Variants in RPS6KC1 observed in about 807,000 individuals in gnomAD.
RPS6KC1 encodes ribosomal protein S6 kinase C1, also known as inactive ribosomal protein S6 kinase delta-1.
A neutral mutation model predicts 103.8 loss-of-function variants in RPS6KC1; 54 were observed. The ratio of observed to expected loss-of-function variants is 0.52; its 90% CI spans 0.42 to 0.65. The LOEUF (loss-of-function observed/expected upper bound fraction) is 0.65, where lower values mean the gene tolerates loss of function less well. Among genes scored for constraint, RPS6KC1 ranks in the 30% least tolerant of loss-of-function variants. The pLI, the probability that RPS6KC1 is intolerant of heterozygous loss-of-function variation, is 0.00. For synonymous variants in RPS6KC1, 439 were observed against 438.7 expected (o/e 1.00, Z -0.01); for missense variants, 1,151 against 1,253.8 (o/e 0.92, Z 1.24).
At chr1:213,212,980 A>T (rs1405342342) in intron 8 of RPS6KC1, among the ~76,000 whole-genome samples, 1 of 152,162 alleles carries the variant, frequency 6.6e-6, no homozygotes, top group Admixed American at 6.5e-5. Context: ...TATCAGATGT[A>T]TCATTTATAA....
At chr1:213,661,564 C>T in the RPS6KC1 span, among the ~76,000 whole-genome samples, 27 of 152,170 alleles carry the variant, frequency 1.8e-4, no homozygotes, top group African/African-American at 5.3e-4. Context: ...AAGTCAGAGG[C>T]GGGGGAGGAG....
intron 1 of RPS6KC1, among the ~76,000 whole-genome samples, chr1:213,067,070 C>T (rs1333110944): frequency 3.9e-5 from 6 of 152,120 alleles, no homozygotes; most frequent in Non-Finnish European, 2.9e-5. Flanking sequence ...ACCTGAAAGC[C>T]CCCTCCCCAC....
At chr1:213,256,552 CA>C (rs373923066) in intron 12 of RPS6KC1, among the ~76,000 whole-genome samples, 1 of 150,476 alleles carries the variant, frequency 6.6e-6, no homozygotes, top group Non-Finnish European at 1.5e-5. Context: ...AAAAAAGTCG[CA>C]AAAAAAATCT....
chr1:213,301,887 C>G, the RPS6KC1 span, among the ~76,000 whole-genome samples: 5 of 151,890 alleles, frequency 3.3e-5, no homozygotes, highest in Middle Eastern at 3.4e-3. Flanking sequence ...AGGTGTGCAC[C>G]ACCACCCCCA....
chr1:213,711,972 C>T, the RPS6KC1 span, among the ~76,000 whole-genome samples: 1 of 152,200 alleles, frequency 6.6e-6, no homozygotes, highest in African/African-American at 2.4e-5. Flanking sequence ...AGGTGTCTCC[C>T]TGTCAGGAGG....
At chr1:213,129,967 C>T (rs2085417170) in intron 6 of RPS6KC1, 78 bp downstream of exon 6, 2 of 1,317,262 alleles carry the variant, frequency 1.5e-6, no homozygotes, top group Non-Finnish European at 2.1e-6. Context: ...CATATATCTT[C>T]TGTATAGTCT....
At chr1:213,687,018 A>C in the RPS6KC1 span, among the ~76,000 whole-genome samples, 1 of 152,190 alleles carries the variant, frequency 6.6e-6, no homozygotes, top group Non-Finnish European at 1.5e-5. Flanking sequence ...ATGCTAATGT[A>C]TTATCATTAG....
At chr1:213,734,771 T>C in the RPS6KC1 span, among the ~76,000 whole-genome samples, 1 of 152,230 alleles carries the variant, frequency 6.6e-6, no homozygotes, top group Non-Finnish European at 1.5e-5. Flanking sequence ...ATGTAAATAA[T>C]TAATATTTGA....
At chr1:213,151,422 G>A (rs1409174949) in intron 6 of RPS6KC1, among the ~76,000 whole-genome samples, 2 of 138,888 alleles carry the variant, frequency 1.4e-5, no homozygotes, top group African/African-American at 2.8e-5. Context: ...AGGGGCGGCC[G>A]GGCAGAGGCG....
chr1:213,473,488 T>G, the RPS6KC1 span, among the ~76,000 whole-genome samples: 1 of 152,210 alleles, frequency 6.6e-6, no homozygotes, highest in African/African-American at 2.4e-5. Flanking sequence ...CCCCAGGACA[T>G]CAACTGCATA....
the RPS6KC1 span, among the ~76,000 whole-genome samples, chr1:213,733,507 G>A: frequency 6.7e-6 from 1 of 149,566 alleles, no homozygotes; most frequent in Admixed American, 6.6e-5. Context: ...AAAGTGATGG[G>A]ATTGCAGGCG....
the RPS6KC1 span, among the ~76,000 whole-genome samples, chr1:213,562,616 C>T: frequency 6.6e-6 from 1 of 151,870 alleles, no homozygotes; most frequent in Non-Finnish European, 1.5e-5. Context: ...GATCTGCCTG[C>T]CTTGGCCTCC....
At chr1:213,428,067 G>A in the RPS6KC1 span, among the ~76,000 whole-genome samples, 19 of 152,282 alleles carry the variant, frequency 1.2e-4, no homozygotes, top group South Asian at 3.5e-3. Flanking sequence ...CCTCTGCATG[G>A]CCTTGAGGTC....
the RPS6KC1 span, among the ~76,000 whole-genome samples, chr1:213,497,632 A>G: frequency 6.6e-6 from 1 of 152,208 alleles, no homozygotes; most frequent in East Asian, 1.9e-4. Flanking sequence ...ATTAATGAAA[A>G]TAAATGAACA....
chr1:213,067,863 T>G (rs1448158487), intron 1 of RPS6KC1, among the ~76,000 whole-genome samples: 1 of 152,222 alleles, frequency 6.6e-6, no homozygotes, highest in East Asian at 1.9e-4. Context: ...TGTTTTTGTT[T>G]ATGCAGTACA....
the RPS6KC1 span, among the ~76,000 whole-genome samples, chr1:213,816,177 T>C: frequency 6.6e-6 from 1 of 151,926 alleles, no homozygotes; most frequent in African/African-American, 2.4e-5. Flanking sequence ...TCATAACAGA[T>C]ATAATAATAA....
chr1:213,430,448 G>A, the RPS6KC1 span, among the ~76,000 whole-genome samples: 1 of 152,168 alleles, frequency 6.6e-6, no homozygotes, highest in African/African-American at 2.4e-5. Flanking sequence ...CAGAACCAGA[G>A]ACTGTAGCAC....
chr1:213,680,526 A>G, the RPS6KC1 span, among the ~76,000 whole-genome samples: 1 of 152,206 alleles, frequency 6.6e-6, no homozygotes, highest in African/African-American at 2.4e-5. Flanking sequence ...ATCAATGAAT[A>G]AATGAAGTCA....
chr1:213,439,041 G>A, the RPS6KC1 span, among the ~76,000 whole-genome samples: 10 of 151,942 alleles, frequency 6.6e-5, no homozygotes, highest in African/African-American at 2.4e-4. Context: ...TGATCCACCC[G>A]CCTCGGCCTC....
Sources: allele counts gnomAD v4.1 joint callset (sites outside exome capture counted in the v4.1 genomes callset), GRCh38; gene constraint gnomAD v4.1.1; transcripts MANE v1.5; gene names NCBI Gene and HGNC (gene_info 2026-07-23, HGNC 2026-07-21).